Variants in HRH1 observed in about 807,000 individuals in gnomAD.
HRH1 encodes the protein histamine H1 receptor.
A neutral mutation model predicts 10.3 loss-of-function variants in HRH1; 6 were observed. The ratio of observed to expected loss-of-function variants is 0.58; its 90% confidence interval spans 0.32 to 1.15. The LOEUF (loss-of-function observed/expected upper bound fraction) is 1.15, where lower values mean the gene tolerates loss of function less well. Among genes scored for constraint, HRH1 ranks in the 50% most tolerant of loss-of-function variants. The pLI is 0.05. For synonymous variants in HRH1, 242 were observed against 236.7 expected, an observed-to-expected ratio of 1.02 and a Z score of -0.21; for missense variants, 514 against 615.3, an observed-to-expected ratio of 0.84 and a Z score of 1.74.
At chr3:11,230,929 T>C (rs1175304511) in intron 1 of HRH1, among the ~76,000 whole-genome samples, 7 of 152,230 alleles carry the variant, frequency 4.6e-5, no homozygotes, top group African/African-American at 1.4e-4. Flanking sequence ...AACCAACATA[T>C]GGACATAAAG....
chr3:11,150,948 GAGGACATCTGTGTTCTTGCCTCTCC>G (rs1936601015), upstream of HRH1, among the ~76,000 whole-genome samples: 2 of 152,356 alleles, frequency 1.3e-5, no homozygotes, highest in African/African-American at 4.8e-5. Context: ...CTGTGAGGGA[GAGGACATCTGTGTTCTTGCCTCTCC>G]AGGACCCCTG....
At chr3:11,220,678 T>A (rs964370807) in intron 1 of HRH1, among the ~76,000 whole-genome samples, 3 of 152,204 alleles carry the variant, frequency 2.0e-5, no homozygotes, top group Non-Finnish European at 4.4e-5. Flanking sequence ...TTGTTTGCCC[T>A]CCTTTATCGG....
chr3:11,254,609 C>T (rs554344003), intron 1 of HRH1, among the ~76,000 whole-genome samples: 2 of 152,344 alleles, frequency 1.3e-5, no homozygotes, highest in South Asian at 4.1e-4. Flanking sequence ...CCAGGTGGGT[C>T]TCGATCCCTT....
At chr3:11,148,648 G>C (rs1936518709) in intron 1 of HRH1, among the ~76,000 whole-genome samples, 2 of 152,074 alleles carry the variant, frequency 1.3e-5, no homozygotes, top group African/African-American at 2.4e-5. Flanking sequence ...GAGTTTCCTT[G>C]TTCCGTTTAC....
chr3:11,178,844 G>A (rs1276621876), intron 1 of HRH1, among the ~76,000 whole-genome samples: 1 of 152,140 alleles, frequency 6.6e-6, no homozygotes, highest in Non-Finnish European at 1.5e-5. Flanking sequence ...GGTGACTTGG[G>A]TAAATCACTT....
chr3:11,147,588 T>C (rs1239096948), intron 1 of HRH1, among the ~76,000 whole-genome samples: 2 of 152,114 alleles, frequency 1.3e-5, no homozygotes, highest in Non-Finnish European at 2.9e-5. Flanking sequence ...GTGACAAGAC[T>C]GTGATCCCAT....
At chr3:11,161,583 A>G (rs1936922811) in intron 1 of HRH1, among the ~76,000 whole-genome samples, 1 of 152,244 alleles carries the variant, frequency 6.6e-6, no homozygotes, top group East Asian at 1.9e-4. Flanking sequence ...GGCCACCCTG[A>G]TGAGCCTAAC....
At chr3:11,232,116 T>G (rs1939058879) in intron 1 of HRH1, among the ~76,000 whole-genome samples, 1 of 151,990 alleles carries the variant, frequency 6.6e-6, no homozygotes, top group African/African-American at 2.4e-5. Context: ...GCCTTCCAAG[T>G]AGCTGGGAAT....
intron 1 of HRH1, among the ~76,000 whole-genome samples, chr3:11,173,391 G>GT (rs1230252123): frequency 6.6e-6 from 1 of 151,364 alleles, no homozygotes; most frequent in Admixed American, 6.6e-5. Context: ...TATATATGGG[G>GT]TTTTTTTGTT....
chr3:11,212,096 C>T (rs1233462461), intron 1 of HRH1, among the ~76,000 whole-genome samples: 4 of 152,214 alleles, frequency 2.6e-5, no homozygotes, highest in African/African-American at 9.6e-5. Flanking sequence ...AGGGCACACG[C>T]TTGCTGTCCT....
intron 1 of HRH1, among the ~76,000 whole-genome samples, chr3:11,251,783 C>T (rs749772934): frequency 7.2e-5 from 11 of 152,212 alleles, no homozygotes; most frequent in South Asian, 2.1e-4. Flanking sequence ...TTTCTGCCTT[C>T]TGATTTAGGA....
chr3:11,154,238 G>T (rs1283642250), upstream of HRH1, among the ~76,000 whole-genome samples: 1 of 152,112 alleles, frequency 6.6e-6, no homozygotes, highest in Non-Finnish European at 1.5e-5. The surrounding 1 kb of genome is among the most constrained non-coding windows in gnomAD (Gnocchi z 4.4). Context: ...CCCGAGCCCG[G>T]GTACCCAGCG....
chr3:11,246,445 C>A (rs1939492063), intron 1 of HRH1, among the ~76,000 whole-genome samples: 1 of 152,210 alleles, frequency 6.6e-6, no homozygotes, highest in Admixed American at 6.5e-5. Flanking sequence ...CCCCAAATAT[C>A]TCCCACACTC....
intron 1 of HRH1, among the ~76,000 whole-genome samples, chr3:11,164,241 G>A (rs1213410432): frequency 6.6e-6 from 1 of 152,180 alleles, no homozygotes; most frequent in Non-Finnish European, 1.5e-5. Flanking sequence ...AGAGCGACAG[G>A]GAGGTTAACA....
At chr3:11,200,170 G>A (rs535231256) in intron 1 of HRH1, among the ~76,000 whole-genome samples, 1 of 152,300 alleles carries the variant, frequency 6.6e-6, no homozygotes, top group East Asian at 1.9e-4. Flanking sequence ...TTGAGGACAC[G>A]ACTGACAGAT....
upstream of HRH1, among the ~76,000 whole-genome samples, chr3:11,152,109 A>G (rs148573673): frequency 1.2e-4 from 18 of 152,260 alleles, 1 homozygote; most frequent in East Asian, 3.5e-3. Flanking sequence ...TACTAGCTGT[A>G]TACTCTGAAC....
chr3:11,152,178 T>A (rs1873032), upstream of HRH1, among the ~76,000 whole-genome samples: 21,841 of 152,174 alleles, frequency 0.14, 1,791 homozygotes, highest in East Asian at 0.29. Context: ...AGTACCTACC[T>A]CATGGGATTG....
chr3:11,183,619 T>G (rs1379584032), intron 1 of HRH1, among the ~76,000 whole-genome samples: 1 of 152,144 alleles, frequency 6.6e-6, no homozygotes, highest in Non-Finnish European at 1.5e-5. Context: ...GCGGCATGCA[T>G]GTACATGAGG....
At chr3:11,236,497 C>G (rs1258601217) in intron 1 of HRH1, among the ~76,000 whole-genome samples, 2 of 152,202 alleles carry the variant, frequency 1.3e-5, no homozygotes, top group Non-Finnish European at 2.9e-5. Flanking sequence ...AGGCTGGCAC[C>G]TCCATGAGAA....
Sources: allele counts gnomAD v4.1 joint callset (sites outside exome capture counted in the v4.1 genomes callset), GRCh38; gene constraint gnomAD v4.1.1; non-coding constraint Gnocchi (gnomAD v3.1); transcripts MANE v1.5; gene names NCBI Gene and HGNC (gene_info 2026-07-23, HGNC 2026-07-21).